PTPRT: variants seen among roughly 807,000 people sequenced by gnomAD.
The protein encoded by PTPRT is protein tyrosine phosphatase receptor type T, also known as receptor-type tyrosine-protein phosphatase T.
PTPRT carries 56 observed loss-of-function variants against 176.8 expected under a neutral mutation model. The ratio of observed to expected loss-of-function variants is 0.32; its 90% CI spans 0.26 to 0.40. The LOEUF is 0.40. Ranked by LOEUF, PTPRT falls within the 10% of genes least tolerant of loss-of-function variation. The probability of loss-of-function intolerance (pLI) is 1.00; values close to 1 mark genes in which losing one functional copy is unlikely to be tolerated. For missense variants in PTPRT, 1,540 were observed against 1,908.2 expected, an observed-to-expected ratio of 0.81 and a Z score of 3.60; for synonymous variants, 783 against 739.0, an observed-to-expected ratio of 1.06 and a Z score of -0.96.
chr20:43,046,864 T>C (rs1986859575), intron 1 of PTPRT, among the ~76,000 whole-genome samples: 1 of 152,206 alleles, frequency 6.6e-6, no homozygotes, highest in African/African-American at 2.4e-5. Flanking sequence ...TCAAATCTTG[T>C]TAGCAAAGTC....
At chr20:42,352,051 C>A (rs377295987) in intron 10 of PTPRT, 33 bp downstream of exon 10, 584 of 1,597,252 alleles carry the variant, frequency 3.7e-4, no homozygotes, top group Non-Finnish European at 4.2e-4. Context: ...GGTGAAACAA[C>A]CTTTTTTCCT....
At chr20:42,198,750 G>C (rs1991330765) in intron 16 of PTPRT, among the ~76,000 whole-genome samples, 1 of 152,148 alleles carries the variant, frequency 6.6e-6, no homozygotes, top group Admixed American at 6.5e-5. Flanking sequence ...ATCTAAATAT[G>C]TAACTCATCA....
intron 1 of PTPRT, among the ~76,000 whole-genome samples, chr20:43,172,875 T>TA (rs1286542083): frequency 6.7e-6 from 1 of 149,926 alleles, no homozygotes; most frequent in Non-Finnish European, 1.5e-5. Flanking sequence ...CAGTCTTTTT[T>TA]TTTTTTTTTT....
At chr20:43,003,559 A>G (rs1405233583) in intron 1 of PTPRT, among the ~76,000 whole-genome samples, 2 of 152,236 alleles carry the variant, frequency 1.3e-5, no homozygotes, top group Admixed American at 6.5e-5. Flanking sequence ...GCCCTGAGCC[A>G]GCAACATGGG....
intron 26 of PTPRT, among the ~76,000 whole-genome samples, chr20:42,101,216 C>T (rs1450338366): frequency 6.6e-6 from 1 of 152,140 alleles, no homozygotes; most frequent in African/African-American, 2.4e-5. Flanking sequence ...ATTGGATCCA[C>T]CAAATTGCAG....
intron 1 of PTPRT, among the ~76,000 whole-genome samples, chr20:43,033,816 A>T (rs1986251777): frequency 6.6e-6 from 1 of 152,190 alleles, no homozygotes; most frequent in Non-Finnish European, 1.5e-5. Context: ...CACTGAGCGC[A>T]GTGACCTTAA....
At chr20:42,747,264 C>T (rs913220544) in intron 6 of PTPRT, among the ~76,000 whole-genome samples, 4 of 152,136 alleles carry the variant, frequency 2.6e-5, no homozygotes, top group South Asian at 2.1e-4. Flanking sequence ...TGAGGGGTCT[C>T]GTCACATGCT....
At chr20:43,068,807 A>T (rs573487435) in intron 1 of PTPRT, among the ~76,000 whole-genome samples, 1 of 152,310 alleles carries the variant, frequency 6.6e-6, no homozygotes, top group African/African-American at 2.4e-5. Flanking sequence ...GAGGGTCAGA[A>T]GGAAGCCAGG....
chr20:42,603,016 T>C (rs2073810140), intron 7 of PTPRT, among the ~76,000 whole-genome samples: 1 of 152,154 alleles, frequency 6.6e-6, no homozygotes, highest in South Asian at 2.1e-4. Flanking sequence ...CACTCCTCAT[T>C]CATTTATTCA....
At chr20:42,104,033 C>T (rs1450846879) in intron 25 of PTPRT, among the ~76,000 whole-genome samples, 17 of 152,212 alleles carry the variant, frequency 1.1e-4, no homozygotes, top group Admixed American at 9.8e-4. Flanking sequence ...GTTACTGTTA[C>T]GGACTAAATG....
intron 13 of PTPRT, among the ~76,000 whole-genome samples, chr20:42,280,516 C>A (rs1444340638): frequency 1.3e-5 from 2 of 152,182 alleles, no homozygotes; most frequent in African/African-American, 4.8e-5. Flanking sequence ...CAGAAGCCTG[C>A]CTGGGCTTGG....
In PTPRT at chr20:42,236,213, C is replaced by T. The variant is rs752284725; in HGVS notation, c.2342+16G>A. ...TACAGGGCACGAAGCAAAGTTAACA[C>T]CAGCTCGATACTTACAAGTAATAGG... On this transcript the variant is annotated intron_variant, in intron 15 of 30. Coordinates refer to ENST00000373187, the MANE Select transcript of PTPRT (RefSeq NM_007050.6). 117 of 1,590,482 alleles carry T rather than the reference C, an allele frequency of 7.4e-5. 1 individual carries two copies. In the South Asian group the frequency reaches 1.3e-3, roughly 17 times the overall value.
At chr20:42,334,880 C>T (rs780946100) in intron 11 of PTPRT, among the ~76,000 whole-genome samples, 13 of 152,096 alleles carry the variant, frequency 8.5e-5, no homozygotes, top group East Asian at 3.9e-4. Context: ...TAGTTAAAAG[C>T]GGAAGAATTA....
At chr20:43,186,287 A>C (rs1361748766) in intron 1 of PTPRT, among the ~76,000 whole-genome samples, 1 of 152,238 alleles carries the variant, frequency 6.6e-6, no homozygotes, top group Non-Finnish European at 1.5e-5. Flanking sequence ...CAGATGCCAA[A>C]GCTCATACTC....
chr20:42,329,001 C>T (rs980120378), intron 11 of PTPRT, among the ~76,000 whole-genome samples: 15 of 151,808 alleles, frequency 9.9e-5, no homozygotes, highest in African/African-American at 3.4e-4. Context: ...CACAGTTTCC[C>T]TAAATACCAG....
intron 17 of PTPRT, among the ~76,000 whole-genome samples, chr20:42,155,123 G>A (rs913150560): frequency 2.6e-5 from 4 of 152,266 alleles, no homozygotes; most frequent in East Asian, 1.9e-4. Context: ...CCCACCCCCA[G>A]TGATTCTGAA....
At chr20:42,667,101 C>T (rs965909912) in intron 7 of PTPRT, among the ~76,000 whole-genome samples, 5 of 152,174 alleles carry the variant, frequency 3.3e-5, no homozygotes, top group South Asian at 2.1e-4. Flanking sequence ...TAATATGAGG[C>T]ATTACATCCA....
At chr20:42,534,840 C>A (rs1168215720) in intron 7 of PTPRT, among the ~76,000 whole-genome samples, 4 of 152,058 alleles carry the variant, frequency 2.6e-5, no homozygotes, top group African/African-American at 7.2e-5. Context: ...ATGGGGCCAA[C>A]TATCAACCTA....
At chr20:43,179,774 C>T (rs1206588222) in intron 1 of PTPRT, among the ~76,000 whole-genome samples, 2 of 152,230 alleles carry the variant, frequency 1.3e-5, no homozygotes, top group South Asian at 2.1e-4. Flanking sequence ...GAACACACTT[C>T]AAAGGTTATA....
Sources: gnomAD v4.1 joint callset for allele counts (sites outside exome capture counted in the v4.1 genomes callset) on GRCh38, gnomAD v4.1.1 for gene constraint, MANE v1.5 for transcripts, NCBI Gene and HGNC (gene_info 2026-07-23, HGNC 2026-07-21) for gene names.